Variants in CACNA1F observed in about 807,000 individuals in gnomAD.
CACNA1F encodes the protein voltage-dependent L-type calcium channel subunit alpha-1F.
A neutral mutation model predicts 143.8 loss-of-function variants in CACNA1F; 59 were observed. The observed-to-expected ratio is 0.41, with a 90% CI of 0.33 to 0.51. CACNA1F has a LOEUF of 0.51. Among genes scored for constraint, CACNA1F ranks in the 20% least tolerant of loss-of-function variants. The pLI is 0.22. For missense variants in CACNA1F, 1,411 were observed against 1,647.5 expected (o/e 0.86, Z 2.48); for synonymous variants, 643 against 649.1 (o/e 0.99, Z 0.14).
intron 1 of CACNA1F, 125 bp downstream of exon 1, chrX:49,233,160 G>A: frequency 1.7e-6 from 1 of 603,963 alleles, no homozygotes; most frequent in South Asian, 2.4e-5. Context: ...CTGGGATGGG[G>A]AACAGGGTGA....
Position 49,230,620 on chromosome X carries a change from A to G in CACNA1F, c.522-11T>C. ...AGAACGCTGAACAGCCTGATGGGGG[A>G]GCACCGGGCAGGGAGGCGGAGGTCA... is the stretch of plus-strand genomic sequence containing the variant. On this transcript the variant is annotated splice_polypyrimidine_tract_variant and intron_variant, in intron 4 of 47. Transcript: ENST00000323022. 8.6e-7 allele frequency: 1 copy of G among 1,159,966 alleles called. No individual in the cohort carries two copies. The highest frequency in any genetic ancestry group is 1.2e-6 in the Non-Finnish European group (1 of 867,649).
chrX:49,230,393 G>T (rs781826067), intron 5 of CACNA1F, 21 bp from the exon 6 acceptor site: 4 of 1,203,585 alleles, frequency 3.3e-6, no homozygotes, highest in Non-Finnish European at 4.5e-6. Flanking sequence ...GGAGGGGGAG[G>T]CAGAAATAAG....
At chrX:49,215,565 T>A in intron 27 of CACNA1F, 22 bp from the exon 28 acceptor site, 21 of 484,056 alleles carry the variant, frequency 4.3e-5, no homozygotes, top group Non-Finnish European at 7.0e-5. Flanking sequence ...AGAGGGGGGG[T>A]AGAGGTGGGG....
At chrX:49,229,025 C>A (rs1289195212) in intron 6 of CACNA1F, among the ~76,000 whole-genome samples, 4 of 112,295 alleles carry the variant, frequency 3.6e-5, no homozygotes, top group African/African-American at 1.3e-4. Context: ...AGCCTGGGGG[C>A]GGAGTCTTGT....
intron 36 of CACNA1F, 97 bp downstream of exon 36, chrX:49,211,225 C>A: frequency 8.9e-7 from 1 of 1,117,498 alleles, no homozygotes; most frequent in African/African-American, 1.8e-5. Context: ...AGCCCTCTCA[C>A]CCACTATGAA....
rs199766523 is a variant in CACNA1F at position 49,213,026 on chromosome X, T to C, written c.3793-32A>G. ...GGAGATATGGCCAAGAAAAAGGTGA[T>C]ACAGGAGATGATGACATCATAGGCC... is the stretch of plus-strand genomic sequence containing the variant. On this transcript the variant is annotated intron_variant, in intron 31 of 47. Coordinates refer to ENST00000323022, the MANE Select transcript of CACNA1F (RefSeq NM_001256789.3). 119 of 1,169,072 alleles carry C rather than the reference T, an allele frequency of 1.0e-4. No homozygotes were observed. The East Asian group carries it at 3.3e-3, about 33-fold the overall frequency.
At chrX:49,226,780 T>C in intron 9 of CACNA1F, 78 bp from the exon 10 acceptor site, 1 of 994,951 alleles carries the variant, frequency 1.0e-6, no homozygotes, top group East Asian at 3.3e-5. Flanking sequence ...GGGGTGTCAT[T>C]TGGAGTCTTT....
intron 26 of CACNA1F, among the ~76,000 whole-genome samples, chrX:49,217,258 C>G (rs912488867): frequency 1.8e-5 from 2 of 112,919 alleles, no homozygotes; most frequent in African/African-American, 6.4e-5. Context: ...AGCGCCCGGC[C>G]CAAGCTAGGT....
intron 26 of CACNA1F, among the ~76,000 whole-genome samples, chrX:49,217,215 T>G (rs1166045776): frequency 1.8e-5 from 2 of 112,827 alleles, no homozygotes; most frequent in Admixed American, 1.9e-4. Context: ...TGCCTTGGCC[T>G]CCCAAAGTGC....
In CACNA1F at chrX:49,231,702, G is replaced by T. The variant is rs186181553; in HGVS notation, c.251C>A (p.Ser84Tyr). ...CLTLANPLRR[S>Y]CISIVEWKPF... ...CTTCCACTCCACGATGCTGATGCAG[G>T]ACCGTCGCAGAGGATTGGCCAGGGT... The change falls in exon 2 of 48, where the codon TCC becomes TAC. Residue 84 changes from serine (S) to tyrosine (Y), a missense_variant. Around this residue, in one of 3 missense-constraint regions of CACNA1F, gnomAD observed 950 missense variants for 1,128.1 expected, o/e 0.84. Coordinates refer to ENST00000323022, the MANE Select transcript of CACNA1F (RefSeq NM_001256789.3). The T allele has an allele frequency of 1.6e-4, 192 of 1,210,454 alleles. 2 individuals are homozygous for T. In the South Asian group the frequency reaches 3.2e-3, roughly 20 times the overall value.
At position 49,231,193 on chromosome X, in the gene CACNA1F, G is replaced by A. The variant is rs782335276; in HGVS notation, c.381+9C>T. The A allele has an allele frequency of 1.9e-5, 21 of 1,106,676 alleles. No individual in the cohort carries two copies. The South Asian group carries it at 2.3e-4, about 12-fold the overall frequency. The allele number at this position is 1,106,676 out of a possible 1,213,427, so 91.2% of individuals were successfully genotyped here. On this transcript the variant is annotated intron_variant, in intron 3 of 47. Coordinates refer to ENST00000323022, the MANE Select transcript of CACNA1F (RefSeq NM_001256789.3). ...GGCTGGGAACTGGCTGGGGCGGGGC[G>A]GGCCTTACCAGGTTGTGGTTGGCAG...
At chrX:49,223,581 C>T (rs1326417077) in intron 14 of CACNA1F, among the ~76,000 whole-genome samples, 2 of 61,616 alleles carry the variant, frequency 3.2e-5, no homozygotes, top group Non-Finnish European at 5.3e-5. Flanking sequence ...GGGCGATAGA[C>T]AGAGACTCTG....
At position 49,230,458 on chromosome X, in the gene CACNA1F, GC is replaced by G; in HGVS notation, c.664+8del. 1 of 1,209,190 alleles carries G rather than the reference GC, an allele frequency of 8.3e-7. No individual in the cohort carries two copies. Among genetic ancestry groups the G allele is most frequent in the Non-Finnish European group, 1.1e-6 (1 of 894,305 alleles). ...CTCCACCTCCGACCTCGGGGGATGT[GC>G]CACTCACTCGGGACCCCAGACACCA... On this transcript the variant is annotated splice_region_variant and intron_variant, in intron 5 of 47. Coordinates refer to ENST00000323022, the MANE Select transcript of CACNA1F (RefSeq NM_001256789.3).
At chrX:49,215,058 T>C (rs373696025) in intron 29 of CACNA1F, 28 bp downstream of exon 29, 10 of 1,188,959 alleles carry the variant, frequency 8.4e-6, no homozygotes, top group Non-Finnish European at 1.1e-5. Context: ...GTCAGGAGTC[T>C]GGCGGGGGTC....
At position 49,209,817 on chromosome X, in the gene CACNA1F, C is replaced by T. The variant is rs2065638124; in HGVS notation, c.4691-58G>A. ...AGGGGCCCTCTGACCCAGCCCACCTCGCCGCCTCTCTACCCACCAGCATGG... is the reference window on the plus strand; with the variant it reads ...AGGGGCCCTCTGACCCAGCCCACCTTGCCGCCTCTCTACCCACCAGCATGG... On this transcript the variant is annotated intron_variant, in intron 40 of 47. Coordinates refer to ENST00000323022, the MANE Select transcript of CACNA1F (RefSeq NM_001256789.3). The T allele has an allele frequency of 6.7e-6, 8 of 1,185,282 alleles. No homozygotes were observed. In the South Asian group the frequency reaches 8.9e-5, roughly 13 times the overall value.
In CACNA1F at chrX:49,220,905, C is replaced by T; in HGVS notation, c.2334+130G>A. 4 of 608,602 alleles carry T rather than the reference C, an allele frequency of 6.6e-6. No individual in the cohort carries two copies. The South Asian group carries it at 9.6e-5, about 15-fold the overall frequency. 50.2% of individuals were successfully genotyped at this position (608,602 alleles called of 1,213,427 possible). ...AGTGAGCCGAGATGGCACAACTGCA[C>T]TCCAGCCTGGGCGACAGAGTGAGAC... On this transcript the variant is annotated intron_variant, in intron 18 of 47. Transcript: ENST00000323022.
In CACNA1F at chrX:49,221,059, A is replaced by T. The variant is rs1557108683; in HGVS notation, c.2310T>A (p.Asp770Glu). 2.5e-6 allele frequency: 3 copies of T among 1,209,177 alleles called. No homozygotes were observed. In the Admixed American group the frequency reaches 6.5e-5, roughly 26 times the overall value. Reference sequence around the variant, plus strand: ...CCAGGCCTTCATTCTCCTGTGGGAGATCCTTCTCATTGCTCTTCTCCCTGT... The same window carrying T: ...CCAGGCCTTCATTCTCCTGTGGGAGTTCCTTCTCATTGCTCTTCTCCCTGT... ...DKGGEKSNEK[D>E]LPQENEGLVP... The change falls in exon 18 of 48, where the codon GAT (aspartate) becomes GAA (glutamate). Residue 770 changes from aspartate to glutamate, a missense_variant. Physicochemically the swap from Asp to Glu is conservative, Grantham distance 45 (BLOSUM62 2). Around this residue, in one of 3 missense-constraint regions of CACNA1F, gnomAD observed 950 missense variants for 1,128.1 expected, o/e 0.84. Coordinates refer to ENST00000323022, the MANE Select transcript of CACNA1F (RefSeq NM_001256789.3).
chrX:49,222,440 T>C, intron 17 of CACNA1F, 82 bp downstream of exon 17: 1 of 744,915 alleles, frequency 1.3e-6, no homozygotes, highest in Non-Finnish European at 2.1e-6. Context: ...ACTAGAGGCA[T>C]CTCTGGTGGT....
In CACNA1F at chrX:49,212,790, A is replaced by C; in HGVS notation, c.3819T>G (p.Ser1273=). The C allele has an allele frequency of 8.3e-7, 1 of 1,210,470 alleles. No individual in the cohort carries two copies. The highest frequency in any genetic ancestry group is 3.0e-5 in the East Asian group (1 of 33,837). ...VNNGGHLGES[S]EDSSRISITF... ...TAATGGAAATGCGGGAGCTGTCCTC[A>C]GAGCTCTGGGGTGAGGGGTGCAGTA... Residue 1273 remains serine, a synonymous_variant, in exon 33 of 48, where the codon TCT becomes TCG. Coordinates refer to ENST00000323022, the MANE Select transcript of CACNA1F (RefSeq NM_001256789.3).
Sources: allele counts gnomAD v4.1 joint callset (sites outside exome capture counted in the v4.1 genomes callset), GRCh38; gene constraint gnomAD v4.1.1; regional missense constraint gnomAD v4.1.1; transcripts MANE v1.5; gene names NCBI Gene and HGNC (gene_info 2026-07-23, HGNC 2026-07-21).